CAMK1D: variants seen among roughly 807,000 people sequenced by gnomAD.
The protein encoded by CAMK1D is calcium/calmodulin-dependent protein kinase type 1D.
In CAMK1D, 9 loss-of-function variants were observed where a neutral mutation model predicts 47.7. That is an observed-to-expected ratio of 0.19 (90% CI 0.11 to 0.33). The LOEUF (loss-of-function observed/expected upper bound fraction) is 0.33, where lower values mean the gene tolerates loss of function less well. Ranked by LOEUF, CAMK1D falls within the 10% of genes least tolerant of loss-of-function variation. The pLI is 1.00. For synonymous variants in CAMK1D, 184 were observed against 184.9 expected, an observed-to-expected ratio of 0.99 and a Z score of 0.04; for missense variants, 291 against 488.7, an observed-to-expected ratio of 0.60 and a Z score of 3.81.
chr10:12,807,286 G>C (rs1435786079), intron 6 of CAMK1D, among the ~76,000 whole-genome samples: 1 of 152,240 alleles, frequency 6.6e-6, no homozygotes. Flanking sequence ...CCTTAAGGAA[G>C]AGAGATTTGT....
At position 12,798,482 on chromosome 10, in the gene CAMK1D, A is replaced by G. The variant is rs772292164; in HGVS notation, c.641+7249A>G. Among the ~76,000 whole-genome samples, 28 of 152,324 alleles carry G rather than the reference A, an allele frequency of 1.8e-4. 1 individual carries two copies. In the South Asian group the frequency reaches 1.9e-3, roughly 10 times the overall value. The stretch of plus-strand genomic sequence containing the variant: ...GGAGGGAGGTGGTGGGGCAGCTCCT[A>G]GAACAGAGCTGGGACTCTGCCCTGG... On this transcript the variant is annotated intron_variant, in intron 6 of 10. Coordinates refer to ENST00000619168, the MANE Select transcript of CAMK1D (RefSeq NM_153498.4).
intron 1 of CAMK1D, among the ~76,000 whole-genome samples, chr10:12,384,540 T>G (rs576354462): frequency 2.0e-5 from 3 of 152,298 alleles, no homozygotes; most frequent in African/African-American, 7.2e-5. Flanking sequence ...CATTTATGGT[T>G]TATTTTCTTT....
At chr10:12,562,330 A>C (rs560065923) in intron 2 of CAMK1D, among the ~76,000 whole-genome samples, 8 of 152,294 alleles carry the variant, frequency 5.3e-5, no homozygotes, top group Middle Eastern at 3.4e-3. Flanking sequence ...ATCCCTCATG[A>C]CTGAAACAAT....
intron 2 of CAMK1D, among the ~76,000 whole-genome samples, chr10:12,634,812 C>T (rs1231589681): frequency 3.9e-5 from 6 of 152,050 alleles, no homozygotes; most frequent in Non-Finnish European, 5.9e-5. Context: ...TCGGGGTTCT[C>T]CAAGGGGAGG....
At chr10:12,772,399 A>T (rs1005559183) in intron 5 of CAMK1D, among the ~76,000 whole-genome samples, 6 of 152,194 alleles carry the variant, frequency 3.9e-5, no homozygotes, top group Non-Finnish European at 7.3e-5. Flanking sequence ...TGGCCTGCCC[A>T]TCTCTTCCCT....
intron 2 of CAMK1D, among the ~76,000 whole-genome samples, chr10:12,664,030 T>G (rs1840354091): frequency 6.6e-6 from 1 of 152,134 alleles, no homozygotes; most frequent in Admixed American, 6.6e-5. Flanking sequence ...CAAGTATGCT[T>G]ATTCAAACAT....
chr10:12,512,682 A>T lies in CAMK1D; in HGVS notation c.93-40543A>T, dbSNP rs372163795. Among the ~76,000 whole-genome samples, 96 of 152,308 alleles carry T rather than the reference A, an allele frequency of 6.3e-4. 3 individuals carry two copies. In the South Asian group the frequency reaches 0.019, roughly 30 times the overall value. ...AGGTGCCCCTTTGTAGCTGTCATCA[A>T]GCCTGGGAGTGTGGCACAGTGGATG... On this transcript the variant is annotated intron_variant, in intron 1 of 10. Transcript: ENST00000619168.
At chr10:12,458,373 A>T (rs1833320162) in intron 1 of CAMK1D, among the ~76,000 whole-genome samples, 1 of 152,136 alleles carries the variant, frequency 6.6e-6, no homozygotes, top group African/African-American at 2.4e-5. Context: ...TTCATTGCTG[A>T]TACATATTCC....
At chr10:12,499,834 G>C (rs1413271118) in intron 1 of CAMK1D, among the ~76,000 whole-genome samples, 17 of 152,144 alleles carry the variant, frequency 1.1e-4, no homozygotes. Flanking sequence ...CCATAGCTCT[G>C]GGGGAGACTG....
At chr10:12,820,629 C>A (rs11812477) in intron 8 of CAMK1D, among the ~76,000 whole-genome samples, 7,994 of 152,236 alleles carry the variant, frequency 0.053, 295 homozygotes, top group South Asian at 0.096. Context: ...TCAGCAGGGC[C>A]ACCGAGGGCG....
chr10:12,405,989 G>T (rs1400299724), intron 1 of CAMK1D, among the ~76,000 whole-genome samples: 1 of 152,242 alleles, frequency 6.6e-6, no homozygotes, highest in Non-Finnish European at 1.5e-5. Flanking sequence ...GTTTGTACCA[G>T]TGCTGCTTGG....
chr10:12,447,340 T>C (rs545261131), intron 1 of CAMK1D, among the ~76,000 whole-genome samples: 3 of 152,318 alleles, frequency 2.0e-5, no homozygotes, highest in South Asian at 2.1e-4. Context: ...CTTTCTGATA[T>C]ATCATGATGA....
At chr10:12,367,259 G>A (rs1837864816) in intron 1 of CAMK1D, among the ~76,000 whole-genome samples, 1 of 152,100 alleles carries the variant, frequency 6.6e-6, no homozygotes, top group Admixed American at 6.6e-5. Context: ...CTGCTAAGCT[G>A]CAGATGCCCT....
At chr10:12,824,380 A>G (rs1833123511) in intron 8 of CAMK1D, 85 bp from the exon 9 acceptor site, 1 of 1,178,650 alleles carries the variant, frequency 8.5e-7, no homozygotes, top group East Asian at 2.4e-5. Context: ...GGCTCTCCTG[A>G]GGCTAGGTAA....
chr10:12,427,982 A>T (rs1444817924), intron 1 of CAMK1D, among the ~76,000 whole-genome samples: 1 of 152,028 alleles, frequency 6.6e-6, no homozygotes, highest in African/African-American at 2.4e-5. Context: ...CTGGGATTAC[A>T]GGTATGAGCC....
chr10:12,435,524 G>T (rs1415606518), intron 1 of CAMK1D, among the ~76,000 whole-genome samples: 1 of 152,008 alleles, frequency 6.6e-6, no homozygotes, highest in African/African-American at 2.4e-5. Flanking sequence ...TGACCTGCTC[G>T]TCCCCTCCAC....
At chr10:12,437,909 T>G (rs1344780580) in intron 1 of CAMK1D, among the ~76,000 whole-genome samples, 2 of 152,254 alleles carry the variant, frequency 1.3e-5, no homozygotes, top group Non-Finnish European at 2.9e-5. Context: ...CTTGGAATCC[T>G]GCAGTATATA....
At chr10:12,387,374 T>A (rs1261078667) in intron 1 of CAMK1D, among the ~76,000 whole-genome samples, 1 of 37,718 alleles carries the variant, frequency 2.7e-5, no homozygotes, top group Non-Finnish European at 9.5e-5. Context: ...AATATATATA[T>A]TATATATTAT....
At chr10:12,458,360 A>G (rs1055571563) in intron 1 of CAMK1D, among the ~76,000 whole-genome samples, 1 of 152,154 alleles carries the variant, frequency 6.6e-6, no homozygotes, top group Non-Finnish European at 1.5e-5. Context: ...GCCAGAGGGG[A>G]CGTTCATTGC....
Sources: gnomAD v4.1 joint callset for allele counts (sites outside exome capture counted in the v4.1 genomes callset) on GRCh38, gnomAD v4.1.1 for gene constraint, MANE v1.5 for transcripts, NCBI Gene and HGNC (gene_info 2026-07-23, HGNC 2026-07-21) for gene names.